Variants in RBMS3 observed in about 807,000 individuals in gnomAD.
The protein encoded by RBMS3 is RNA binding motif single stranded interacting protein 3.
RBMS3 carries 27 observed loss-of-function variants against 66.8 expected under a neutral mutation model. The ratio of observed to expected loss-of-function variants is 0.40; its 90% CI spans 0.30 to 0.56. The LOEUF is 0.56. RBMS3 is among the 20% of genes least tolerant of loss of function. The pLI, the probability that RBMS3 is intolerant of heterozygous loss-of-function variation, is 0.40. For synonymous variants in RBMS3, 188 were observed against 183.0 expected (o/e 1.03, Z -0.22); for missense variants, 513 against 549.5 (o/e 0.93, Z 0.66).
intron 4 of RBMS3, among the ~76,000 whole-genome samples, chr3:29,674,209 C>T (rs534414547): frequency 6.6e-6 from 1 of 152,290 alleles, no homozygotes; most frequent in Admixed American, 6.5e-5. Context: ...AACAGCCCTT[C>T]ATGCTAAAAA....
intron 6 of RBMS3, among the ~76,000 whole-genome samples, chr3:29,835,167 T>G (rs541021862): frequency 4.6e-5 from 7 of 152,096 alleles, no homozygotes; most frequent in African/African-American, 1.7e-4. Flanking sequence ...AATGCAGAAA[T>G]AGAGAGCAAT....
At chr3:29,450,680 G>A (rs1252774888) in intron 2 of RBMS3, among the ~76,000 whole-genome samples, 1 of 151,944 alleles carries the variant, frequency 6.6e-6, no homozygotes, top group Non-Finnish European at 1.5e-5. Context: ...TATTCATAGG[G>A]GTAACTTTTA....
intron 1 of RBMS3, among the ~76,000 whole-genome samples, chr3:29,331,815 CTTT>C (rs11354452): frequency 4.0e-3 from 277 of 69,694 alleles, no homozygotes; most frequent in African/African-American, 0.012. Context: ...AGGATAGCTC[CTTT>C]TTTTTTTTTT....
At chr3:29,897,312 T>C (rs1454042743) in intron 8 of RBMS3, 67 bp from the exon 9 acceptor site, 3 of 1,384,742 alleles carry the variant, frequency 2.2e-6, no homozygotes, top group African/African-American at 1.4e-5. Context: ...AGGTACTTGA[T>C]AGCATTTGAT....
intron 4 of RBMS3, among the ~76,000 whole-genome samples, chr3:29,591,097 T>A (rs576941231): frequency 1.3e-5 from 2 of 152,314 alleles, no homozygotes; most frequent in East Asian, 1.9e-4. Context: ...TATGAAATGA[T>A]GAGTGTTTCG....
At chr3:29,407,037 G>T (rs887220238) in intron 1 of RBMS3, among the ~76,000 whole-genome samples, 1 of 152,072 alleles carries the variant, frequency 6.6e-6, no homozygotes, top group South Asian at 2.1e-4. Flanking sequence ...TTATAGATGG[G>T]TCTCCAGGTT....
intron 4 of RBMS3, among the ~76,000 whole-genome samples, chr3:29,630,309 T>A (rs1415565577): frequency 6.6e-6 from 1 of 152,034 alleles, no homozygotes; most frequent in Non-Finnish European, 1.5e-5. Context: ...TAACAGCAAC[T>A]GTTCAAGTTA....
chr3:29,652,113 TTTCA>T (rs1202604848), intron 4 of RBMS3, among the ~76,000 whole-genome samples: 2 of 152,120 alleles, frequency 1.3e-5, no homozygotes, highest in Admixed American at 6.5e-5. Flanking sequence ...AGAAGATGTC[TTTCA>T]TCCCGAACAA....
chr3:29,668,654 G>A (rs879615733), intron 4 of RBMS3, among the ~76,000 whole-genome samples: 2 of 152,092 alleles, frequency 1.3e-5, no homozygotes, highest in African/African-American at 2.4e-5. Flanking sequence ...TGCACAAAAG[G>A]GTGGAATGAA....
intron 6 of RBMS3, among the ~76,000 whole-genome samples, chr3:29,821,888 T>A (rs534902877): frequency 1.3e-5 from 2 of 152,166 alleles, no homozygotes; most frequent in South Asian, 2.1e-4. Context: ...ATCCATTTTT[T>A]CTTTCTGTCA....
intron 5 of RBMS3, among the ~76,000 whole-genome samples, chr3:29,762,663 T>G (rs945619907): frequency 2.0e-4 from 31 of 152,114 alleles, no homozygotes; most frequent in African/African-American, 6.8e-4. Flanking sequence ...CAGGGTTACC[T>G]CTGAACGAGT....
chr3:29,751,149 T>G (rs1293566723), intron 5 of RBMS3, among the ~76,000 whole-genome samples: 1 of 152,210 alleles, frequency 6.6e-6, no homozygotes, highest in Non-Finnish European at 1.5e-5. Flanking sequence ...TGCAGCTTAA[T>G]TATTTTACAG....
chr3:29,937,766 G>C (rs557610587), intron 11 of RBMS3, among the ~76,000 whole-genome samples: 28 of 151,922 alleles, frequency 1.8e-4, no homozygotes, highest in Admixed American at 6.6e-5. Context: ...AGAGCTTGAA[G>C]ACAATATTTT....
intron 2 of RBMS3, among the ~76,000 whole-genome samples, chr3:29,435,613 T>G (rs2041369152): frequency 6.6e-6 from 1 of 152,198 alleles, no homozygotes; most frequent in Non-Finnish European, 1.5e-5. Flanking sequence ...ATATTTAAGT[T>G]CACCTTCCCA....
chr3:29,741,091 C>T (rs931492444), intron 5 of RBMS3, among the ~76,000 whole-genome samples: 1 of 151,616 alleles, frequency 6.6e-6, no homozygotes, highest in Non-Finnish European at 1.5e-5. Context: ...CGTTAACTCA[C>T]TTTAGAAGAT....
chr3:29,944,312 G>T (rs1695154419), intron 12 of RBMS3, 58 bp downstream of exon 12: 2 of 1,441,080 alleles, frequency 1.4e-6, no homozygotes, highest in African/African-American at 2.8e-5. Context: ...GAGGTTGCCT[G>T]GTTTTTTCCC....
intron 3 of RBMS3, among the ~76,000 whole-genome samples, chr3:29,505,516 T>G (rs373482950): frequency 0.021 from 2,474 of 119,396 alleles, 26 homozygotes; most frequent in Non-Finnish European, 0.028. Flanking sequence ...GTTTTTTTTT[T>G]TTGTTGTTTG....
At chr3:29,746,446 G>T (rs2054895507) in intron 5 of RBMS3, among the ~76,000 whole-genome samples, 1 of 152,210 alleles carries the variant, frequency 6.6e-6, no homozygotes, top group African/African-American at 2.4e-5. Flanking sequence ...TGTTTTCTGA[G>T]ATTGAAGAGA....
At chr3:29,731,108 A>T in intron 4 of RBMS3, 1 of 831,490 alleles carries the variant, frequency 1.2e-6, no homozygotes, top group Non-Finnish European at 1.4e-6. Context: ...AATAAAAGCC[A>T]GCCCAAGCCT....
Sources: allele counts gnomAD v4.1 joint callset (sites outside exome capture counted in the v4.1 genomes callset), GRCh38; gene constraint gnomAD v4.1.1; transcripts MANE v1.5; gene names NCBI Gene and HGNC (gene_info 2026-07-23, HGNC 2026-07-21).